The following SLIT2 variants were observed in gnomAD, a reference collection of about 807,000 sequenced individuals.
The protein encoded by SLIT2 is slit guidance ligand 2, also known as slit homolog 2 protein.
Under a neutral mutation model 185.7 loss-of-function variants are expected in SLIT2, and 41 were observed. The observed-to-expected ratio is 0.22, with a 90% CI of 0.17 to 0.29. SLIT2 has a LOEUF of 0.29. Among genes scored for constraint, SLIT2 ranks in the 10% least tolerant of loss-of-function variants. SLIT2 has a pLI of 1.00. For synonymous variants in SLIT2, 693 were observed against 680.2 expected, an observed-to-expected ratio of 1.02 and a Z score of -0.29; for missense variants, 1,571 against 1,909.0, an observed-to-expected ratio of 0.82 and a Z score of 3.30.
chr4:20,587,376 A>G (rs1727149787), intron 29 of SLIT2, among the ~76,000 whole-genome samples: 1 of 152,212 alleles, frequency 6.6e-6, no homozygotes, highest in South Asian at 2.1e-4. Context: ...GTGTATAGCT[A>G]TGTAATGGTC....
intron 29 of SLIT2, among the ~76,000 whole-genome samples, chr4:20,584,261 G>A (rs142616042): frequency 9.5e-4 from 144 of 152,218 alleles, no homozygotes; most frequent in East Asian, 2.7e-3. Context: ...GCATACAACC[G>A]TAGAAGGCCA....
chr4:20,599,379 A>G (rs1728239230), intron 33 of SLIT2, among the ~76,000 whole-genome samples: 1 of 152,198 alleles, frequency 6.6e-6, no homozygotes, highest in Admixed American at 6.5e-5. Flanking sequence ...CCTTTAGAGA[A>G]GGGATCACAA....
chr4:20,567,559 C>T lies in SLIT2; in HGVS notation c.2892C>T (p.Asn964=), dbSNP rs1337316760. 1 of 1,613,302 alleles carries T rather than the reference C, an allele frequency of 6.2e-7. No individual in the cohort carries two copies. The highest frequency in any genetic ancestry group is 1.7e-5 in the Admixed American group (1 of 59,932). ...CDVPIHACIS[N]PCKHGGTCHL... ...TCCCAATTCATGCCTGCATCAGTAA[C>T]CCATGTAAACATGGAGGAACTTGCC... is the stretch of plus-strand genomic sequence containing the variant. Residue 964 remains asparagine, a synonymous_variant, in exon 28 of 37, where the codon AAC becomes AAT. Coordinates refer to ENST00000504154, the MANE Select transcript of SLIT2 (RefSeq NM_004787.4).
chr4:20,324,324 G>A (rs1232964657), intron 4 of SLIT2, among the ~76,000 whole-genome samples: 1 of 152,090 alleles, frequency 6.6e-6, no homozygotes, highest in African/African-American at 2.4e-5. Context: ...GTGAGGTGCT[G>A]ATGTTGTATT....
At chr4:20,540,051 G>A (rs562053545) in intron 19 of SLIT2, among the ~76,000 whole-genome samples, 2 of 42,144 alleles carry the variant, frequency 4.7e-5, no homozygotes, top group South Asian at 1.7e-3. Flanking sequence ...AGGTTGAGGC[G>A]GGCGGATTAC....
chr4:20,548,717 C>T (rs567360580), intron 23 of SLIT2, among the ~76,000 whole-genome samples, 158 bp downstream of exon 23: 2 of 152,088 alleles, frequency 1.3e-5, no homozygotes, highest in South Asian at 2.1e-4. Flanking sequence ...ACAATGTAGA[C>T]ATTAGGAAAA....
intron 29 of SLIT2, among the ~76,000 whole-genome samples, chr4:20,581,548 A>G (rs1178873134): frequency 6.6e-6 from 1 of 152,142 alleles, no homozygotes; most frequent in East Asian, 1.9e-4. Flanking sequence ...GACATTCTAG[A>G]CAACTCCCTT....
intron 4 of SLIT2, among the ~76,000 whole-genome samples, chr4:20,321,792 T>C (rs1328504210): frequency 1.3e-5 from 2 of 152,224 alleles, no homozygotes; most frequent in Non-Finnish European, 2.9e-5. Flanking sequence ...CTACAAATTA[T>C]CTGCCAGAAT....
chr4:20,574,554 A>C (rs1725914818), intron 29 of SLIT2, among the ~76,000 whole-genome samples: 1 of 152,110 alleles, frequency 6.6e-6, no homozygotes, highest in Non-Finnish European at 1.5e-5. Flanking sequence ...TGGGAGGCCG[A>C]GGCAGGTGGA....
At chr4:20,337,562 A>G (rs1437269345) in intron 4 of SLIT2, among the ~76,000 whole-genome samples, 1 of 152,202 alleles carries the variant, frequency 6.6e-6, no homozygotes, top group Non-Finnish European at 1.5e-5. Context: ...CAAAGAGCTT[A>G]AGTAATTGAC....
intron 26 of SLIT2, among the ~76,000 whole-genome samples, chr4:20,566,362 G>A (rs1394150991): frequency 6.6e-6 from 1 of 152,042 alleles, no homozygotes; most frequent in Non-Finnish European, 1.5e-5. Flanking sequence ...TTGCCAAAAG[G>A]CCTTGTGGTG....
At chr4:20,479,250 A>G (rs1716447347) in intron 5 of SLIT2, among the ~76,000 whole-genome samples, 1 of 152,184 alleles carries the variant, frequency 6.6e-6, no homozygotes, top group African/African-American at 2.4e-5. Flanking sequence ...TATATACATA[A>G]TTTCTAAAGT....
At chr4:20,542,312 G>T (rs1030932992) in intron 20 of SLIT2, among the ~76,000 whole-genome samples, 182 bp from the exon 21 acceptor site, 2 of 152,112 alleles carry the variant, frequency 1.3e-5, no homozygotes, top group Non-Finnish European at 2.9e-5. Context: ...TCCCTAGGCA[G>T]TCTGAAAACA....
intron 5 of SLIT2, among the ~76,000 whole-genome samples, chr4:20,472,725 G>T (rs1283741930): frequency 7.0e-6 from 1 of 143,706 alleles, no homozygotes; most frequent in African/African-American, 2.6e-5. Flanking sequence ...ATGTTACATT[G>T]TGCCACTGAT....
chr4:20,575,935 C>T (rs939263235), intron 29 of SLIT2, among the ~76,000 whole-genome samples: 2 of 151,758 alleles, frequency 1.3e-5, no homozygotes, highest in East Asian at 1.9e-4. Flanking sequence ...CTTCCTGGCA[C>T]GAATATTTAT....
At chr4:20,476,693 A>C (rs1716144354) in intron 5 of SLIT2, among the ~76,000 whole-genome samples, 1 of 152,156 alleles carries the variant, frequency 6.6e-6, no homozygotes, top group Admixed American at 6.5e-5. Context: ...GGAACACACT[A>C]ATTGAAATTA....
chr4:20,436,475 A>G (rs1729350272), intron 4 of SLIT2, among the ~76,000 whole-genome samples: 1 of 152,224 alleles, frequency 6.6e-6, no homozygotes. Flanking sequence ...CCACTGTAAT[A>G]TGAAATCTGT....
intron 5 of SLIT2, among the ~76,000 whole-genome samples, chr4:20,475,587 G>T (rs530249112): frequency 6.6e-6 from 1 of 152,162 alleles, no homozygotes; most frequent in African/African-American, 2.4e-5. Context: ...TTGAACTTCT[G>T]TGAGACTCAT....
At chr4:20,281,076 G>A (rs535998947) in intron 4 of SLIT2, among the ~76,000 whole-genome samples, 9 of 152,048 alleles carry the variant, frequency 5.9e-5, no homozygotes, top group East Asian at 2.0e-4. Flanking sequence ...CAGGTGATCC[G>A]CCCGCCTCGG....
Sources: allele counts gnomAD v4.1 joint callset (sites outside exome capture counted in the v4.1 genomes callset), GRCh38; gene constraint gnomAD v4.1.1; transcripts MANE v1.5; gene names NCBI Gene and HGNC (gene_info 2026-07-23, HGNC 2026-07-21).